PHACTR4: variants seen among roughly 807,000 people sequenced by gnomAD.
The protein encoded by PHACTR4 is phosphatase and actin regulator 4.
In PHACTR4, 51 loss-of-function variants were observed where a neutral mutation model predicts 72.7. The ratio of observed to expected loss-of-function variants is 0.70; its 90% CI spans 0.56 to 0.89. The LOEUF (loss-of-function observed/expected upper bound fraction) is 0.89, where lower values mean the gene tolerates loss of function less well. Ranked by LOEUF, PHACTR4 falls within the 40% of genes least tolerant of loss-of-function variation. PHACTR4 has a pLI of 0.00. For synonymous variants in PHACTR4, 255 were observed against 302.5 expected (o/e 0.84, Z 1.63); for missense variants, 731 against 861.8 (o/e 0.85, Z 1.90).
At chr1:28,381,068 G>A (rs1295589542) in intron 1 of PHACTR4, among the ~76,000 whole-genome samples, 2 of 151,412 alleles carry the variant, frequency 1.3e-5, no homozygotes, top group African/African-American at 4.9e-5. Context: ...GAGTGCAGTG[G>A]AGTGATCTCG....
At chr1:28,370,018 G>C (rs1651103474) in intron 1 of PHACTR4, among the ~76,000 whole-genome samples, 193 bp downstream of exon 1, 1 of 151,996 alleles carries the variant, frequency 6.6e-6, no homozygotes, top group Non-Finnish European at 1.5e-5. Context: ...CTCCCACAAC[G>C]GTCCAACCCG....
chr1:28,426,467 C>T (rs939765209), intron 2 of PHACTR4, among the ~76,000 whole-genome samples: 1 of 151,886 alleles, frequency 6.6e-6, no homozygotes, highest in African/African-American at 2.4e-5. Flanking sequence ...GACCATCTGG[C>T]TAACACAGTG....
chr1:28,473,325 A>G (rs1203875970), intron 6 of PHACTR4, among the ~76,000 whole-genome samples: 1 of 152,014 alleles, frequency 6.6e-6, no homozygotes, highest in Admixed American at 6.6e-5. Context: ...ATAGCAATGA[A>G]GTAAGCTACT....
chr1:28,476,112 A>G lies in PHACTR4; in HGVS notation c.1427A>G (p.Asp476Gly). Reference sequence around the variant, plus strand: ...TAATTATGTTAATTTGTTAGTCCAGACGATGAAGAAGAAGAGGAGCAAACC... The same window carrying G: ...TAATTATGTTAATTTGTTAGTCCAGGCGATGAAGAAGAAGAGGAGCAAACC... ...PITIEMLKVP[D>G]DEEEEEQTCP... Residue 476 changes from aspartate (D) to glycine (G), a missense_variant, in exon 8 of 14, where the codon GAC (aspartate) becomes GGC (glycine). Coordinates refer to ENST00000373839, the MANE Select transcript of PHACTR4 (RefSeq NM_001048183.3). 1 of 1,601,710 alleles carries G rather than the reference A, an allele frequency of 6.2e-7. No homozygotes were observed. The highest frequency in any genetic ancestry group is 8.5e-7 in the Non-Finnish European group (1 of 1,177,066).
Position 28,489,149 on chromosome 1 carries a change from CTTTA to C in PHACTR4, c.1761-15_1761-12del. 1.2e-6 allele frequency: 2 copies of C among 1,604,866 alleles called. No homozygotes were observed. The highest frequency in any genetic ancestry group is 2.2e-5 in the East Asian group (1 of 44,750). On this transcript the variant is annotated splice_polypyrimidine_tract_variant and intron_variant, in intron 9 of 13. Coordinates refer to ENST00000373839, the MANE Select transcript of PHACTR4 (RefSeq NM_001048183.3). The stretch of plus-strand genomic sequence containing the variant: ...TTGGGAGGTTTAACATAAACATTAC[CTTTA>C]TTTATCTCATTTTTAGGCGACTGAG...
chr1:28,448,316 G>A (rs555755581), intron 2 of PHACTR4, among the ~76,000 whole-genome samples: 3 of 151,798 alleles, frequency 2.0e-5, no homozygotes, highest in Non-Finnish European at 2.9e-5. Context: ...AGGCTGGCTG[G>A]AACTCCTGAC....
At chr1:28,399,305 C>T (rs911426535) in intron 1 of PHACTR4, among the ~76,000 whole-genome samples, 2 of 152,000 alleles carry the variant, frequency 1.3e-5, no homozygotes, top group African/African-American at 4.8e-5. Flanking sequence ...GAGCAAGACT[C>T]TGTCTCAAAA....
At chr1:28,438,923 G>A (rs563377790) in intron 2 of PHACTR4, among the ~76,000 whole-genome samples, 6 of 152,138 alleles carry the variant, frequency 3.9e-5, no homozygotes, top group African/African-American at 1.4e-4. Flanking sequence ...TAGTGTTTCC[G>A]TTTCTCTTAA....
intron 2 of PHACTR4, among the ~76,000 whole-genome samples, chr1:28,438,590 G>C (rs745911422): frequency 2.0e-5 from 3 of 152,102 alleles, no homozygotes; most frequent in Non-Finnish European, 1.5e-5. Context: ...TGCGGAACAT[G>C]GCGAGAAACT....
intron 2 of PHACTR4, among the ~76,000 whole-genome samples, chr1:28,454,741 G>A (rs1194666100): frequency 6.6e-6 from 1 of 152,028 alleles, no homozygotes; most frequent in Non-Finnish European, 1.5e-5. Context: ...ACACATAATT[G>A]GAGATAATGT....
chr1:28,376,161 CTTCT>C (rs1557771341), intron 1 of PHACTR4, among the ~76,000 whole-genome samples: 5 of 151,666 alleles, frequency 3.3e-5, no homozygotes, highest in African/African-American at 4.9e-5. Flanking sequence ...TTTCTTTTCT[CTTCT>C]TTCTTTTTCT....
chr1:28,487,885 G>A (rs527393964), intron 9 of PHACTR4, among the ~76,000 whole-genome samples: 26 of 151,710 alleles, frequency 1.7e-4, no homozygotes, highest in African/African-American at 5.8e-4. Flanking sequence ...ACAGGAGCAC[G>A]CCACAACATC....
intron 2 of PHACTR4, among the ~76,000 whole-genome samples, chr1:28,429,079 GTT>G (rs1483908554): frequency 6.6e-6 from 1 of 152,176 alleles, no homozygotes; most frequent in Non-Finnish European, 1.5e-5. Context: ...CAGTTTGTTT[GTT>G]TTTCACATCC....
intron 1 of PHACTR4, among the ~76,000 whole-genome samples, chr1:28,375,899 G>A (rs1011977717): frequency 5.3e-5 from 8 of 151,936 alleles, no homozygotes; most frequent in African/African-American, 1.9e-4. Flanking sequence ...GAGAAACCCC[G>A]TCTCTACTAA....
chr1:28,409,572 G>A (rs376480898), intron 2 of PHACTR4, among the ~76,000 whole-genome samples: 6 of 152,138 alleles, frequency 3.9e-5, no homozygotes, highest in African/African-American at 4.8e-5. Context: ...GGAAGCATCC[G>A]ATTCAAGCAT....
chr1:28,432,400 T>A (rs547154061), intron 2 of PHACTR4, among the ~76,000 whole-genome samples: 2 of 151,092 alleles, frequency 1.3e-5, no homozygotes, highest in Non-Finnish European at 3.0e-5. Flanking sequence ...AGTAAAACTT[T>A]AAATTTTTCT....
chr1:28,414,541 CT>C (rs1654990918), intron 2 of PHACTR4, among the ~76,000 whole-genome samples: 1 of 151,106 alleles, frequency 6.6e-6, no homozygotes, highest in South Asian at 2.1e-4. Flanking sequence ...CCATGCCTGA[CT>C]AATTTTTTTA....
At chr1:28,380,088 G>A (rs1428042612) in intron 1 of PHACTR4, among the ~76,000 whole-genome samples, 1 of 105,682 alleles carries the variant, frequency 9.5e-6, no homozygotes, top group Non-Finnish European at 1.7e-5. Flanking sequence ...ACGGAGTCTC[G>A]CTCTGTCGCC....
chr1:28,460,633 C>T (rs1480653849), intron 4 of PHACTR4, among the ~76,000 whole-genome samples: 3 of 152,140 alleles, frequency 2.0e-5, no homozygotes, highest in Admixed American at 6.6e-5. Flanking sequence ...CTCAGCCTCC[C>T]AAGTAGCTGG....
Sources: gnomAD v4.1 joint callset for allele counts (sites outside exome capture counted in the v4.1 genomes callset) on GRCh38, gnomAD v4.1.1 for gene constraint, MANE v1.5 for transcripts, NCBI Gene and HGNC (gene_info 2026-07-23, HGNC 2026-07-21) for gene names.